BMAL1: variants seen among roughly 807,000 people sequenced by gnomAD.
The protein encoded by BMAL1 is basic helix-loop-helix ARNT like 1.
chr11:13,354,235 G>A, the BMAL1 span: 1 of 1,477,600 alleles, frequency 6.8e-7, no homozygotes, highest in Non-Finnish European at 9.1e-7. Flanking sequence ...ACCAACCTGG[G>A]TTCTCCACCA....
chr11:13,311,544 G>A, the BMAL1 span, among the ~76,000 whole-genome samples: 2 of 152,192 alleles, frequency 1.3e-5, no homozygotes, highest in African/African-American at 4.8e-5. Context: ...GAAGGATAAA[G>A]AATTGAGATG....
chr11:13,308,861 T>G, the BMAL1 span, among the ~76,000 whole-genome samples: 53 of 152,264 alleles, frequency 3.5e-4, 2 homozygotes, highest in East Asian at 8.5e-3. Flanking sequence ...ATTCATACCT[T>G]CATTCATTTG....
the BMAL1 span, among the ~76,000 whole-genome samples, chr11:13,286,244 A>G: frequency 1.1e-4 from 17 of 152,184 alleles, no homozygotes; most frequent in African/African-American, 3.9e-4. Context: ...CAATCATAGG[A>G]CCCATTTACC....
At chr11:13,357,765 T>A in the BMAL1 span, among the ~76,000 whole-genome samples, 1 of 152,218 alleles carries the variant, frequency 6.6e-6, no homozygotes, top group Admixed American at 6.5e-5. The surrounding 1 kb of genome is among the most constrained non-coding windows in gnomAD (Gnocchi z 4.8). Flanking sequence ...AAACTACATT[T>A]CCATCGTTGC....
chr11:13,360,530 G>A, the BMAL1 span: 1 of 945,132 alleles, frequency 1.1e-6, no homozygotes, highest in Non-Finnish European at 1.6e-6. Flanking sequence ...TTTTTTTTTA[G>A]GCCTGCTTCC....
At chr11:13,362,059 C>A in the BMAL1 span, among the ~76,000 whole-genome samples, 1 of 152,116 alleles carries the variant, frequency 6.6e-6, no homozygotes, top group South Asian at 2.1e-4. Context: ...AGAGAAGGGG[C>A]CTGGGAATGG....
the BMAL1 span, among the ~76,000 whole-genome samples, chr11:13,298,195 T>C: frequency 1.3e-5 from 2 of 152,256 alleles, no homozygotes; most frequent in East Asian, 3.8e-4. Context: ...CTTGTGCAGC[T>C]GTACATGCTG....
At chr11:13,342,445 C>T in the BMAL1 span, among the ~76,000 whole-genome samples, 1 of 152,104 alleles carries the variant, frequency 6.6e-6, no homozygotes, top group African/African-American at 2.4e-5. Flanking sequence ...GGGCATGGTT[C>T]CCCTAGTGTG....
chr11:13,348,673 C>T, the BMAL1 span, among the ~76,000 whole-genome samples: 6 of 152,258 alleles, frequency 3.9e-5, no homozygotes, highest in South Asian at 1.2e-3. Flanking sequence ...CTATTTGCTG[C>T]TGCTTTACCA....
chr11:13,303,201 G>A, the BMAL1 span, among the ~76,000 whole-genome samples: 1 of 152,146 alleles, frequency 6.6e-6, no homozygotes, highest in Non-Finnish European at 1.5e-5. Flanking sequence ...GCTTAAGCGG[G>A]CCTTTCTAAC....
the BMAL1 span, chr11:13,366,633 G>A: frequency 3.8e-6 from 6 of 1,560,868 alleles, no homozygotes; most frequent in South Asian, 6.7e-5. Context: ...GCATGCAATT[G>A]ACTTGTCATG....
chr11:13,360,752 C>A, the BMAL1 span, among the ~76,000 whole-genome samples: 1 of 152,182 alleles, frequency 6.6e-6, no homozygotes, highest in Non-Finnish European at 1.5e-5. Flanking sequence ...CTGAAACCAA[C>A]AACAATTGAG....
chr11:13,322,121 C>T, the BMAL1 span, among the ~76,000 whole-genome samples: 1 of 152,194 alleles, frequency 6.6e-6, no homozygotes, highest in Non-Finnish European at 1.5e-5. Context: ...GGCTAATCAC[C>T]TGACTCCCTG....
chr11:13,356,617 G>C, the BMAL1 span: 2 of 1,097,974 alleles, frequency 1.8e-6, no homozygotes, highest in Non-Finnish European at 2.6e-6. Context: ...AATTGATACT[G>C]TGGCTGTTCG....
At chr11:13,383,125 C>T in the BMAL1 span, among the ~76,000 whole-genome samples, 1 of 152,156 alleles carries the variant, frequency 6.6e-6, no homozygotes, top group Non-Finnish European at 1.5e-5. Flanking sequence ...TTTCCAGTCA[C>T]TTTCAAATTT....
chr11:13,364,454 G>A, the BMAL1 span, among the ~76,000 whole-genome samples: 1 of 152,156 alleles, frequency 6.6e-6, no homozygotes, highest in African/African-American at 2.4e-5. Context: ...GCCCTTTTGT[G>A]GAAAAAGAGA....
chr11:13,307,965 C>T, the BMAL1 span, among the ~76,000 whole-genome samples: 2 of 152,090 alleles, frequency 1.3e-5, no homozygotes, highest in Non-Finnish European at 2.9e-5. Flanking sequence ...AGATTTCCTC[C>T]TCTGTTCAGA....
chr11:13,294,071 T>G, the BMAL1 span, among the ~76,000 whole-genome samples: 16 of 152,370 alleles, frequency 1.1e-4, no homozygotes, highest in Non-Finnish European at 2.1e-4. Flanking sequence ...GATTTTTTTT[T>G]CCTTTTGGTA....
At chr11:13,296,840 TAGTC>T in the BMAL1 span, among the ~76,000 whole-genome samples, 1 of 152,246 alleles carries the variant, frequency 6.6e-6, no homozygotes, top group Admixed American at 6.5e-5. Flanking sequence ...CTTAAATTCA[TAGTC>T]AGACTCAGTG....
Sources: gnomAD v4.1 joint callset for allele counts (sites outside exome capture counted in the v4.1 genomes callset) on GRCh38, gnomAD v4.1.1 for gene constraint, Gnocchi (gnomAD v3.1) non-coding constraint, MANE v1.5 for transcripts, NCBI Gene and HGNC (gene_info 2026-07-23, HGNC 2026-07-21) for gene names.